Variants in UNC5D observed in about 807,000 individuals in gnomAD.
The protein encoded by UNC5D is unc-5 netrin receptor D.
UNC5D carries 39 observed loss-of-function variants against 105.4 expected under a neutral mutation model. The observed-to-expected ratio is 0.37, with a 90% confidence interval of 0.29 to 0.48. The LOEUF (loss-of-function observed/expected upper bound fraction) is 0.48, where lower values mean the gene tolerates loss of function less well. Among genes scored for constraint, UNC5D ranks in the 20% least tolerant of loss-of-function variants. The pLI is 0.98. For synonymous variants in UNC5D, 452 were observed against 450.4 expected (o/e 1.00, Z -0.04); for missense variants, 991 against 1,202.4 (o/e 0.82, Z 2.60).
At chr8:35,688,862 A>C (rs533847369) in intron 7 of UNC5D, among the ~76,000 whole-genome samples, 2 of 152,226 alleles carry the variant, frequency 1.3e-5, no homozygotes, top group African/African-American at 4.8e-5. Flanking sequence ...TAAGCCAATA[A>C]ATTGTTTAAA....
chr8:35,335,873 C>G (rs1810993522), intron 1 of UNC5D, among the ~76,000 whole-genome samples: 3 of 148,176 alleles, frequency 2.0e-5, no homozygotes, highest in Admixed American at 1.4e-4. Context: ...ATGCCATTCT[C>G]CTGCCTCAGC....
At chr8:35,238,381 G>A (rs1266480028) in intron 1 of UNC5D, among the ~76,000 whole-genome samples, 1 of 152,190 alleles carries the variant, frequency 6.6e-6, no homozygotes, top group East Asian at 1.9e-4. Context: ...GGCCCAAGAA[G>A]CAATGTTCTG....
At position 35,325,678 on chromosome 8, in the gene UNC5D, C is replaced by T. The variant is rs148290667; in HGVS notation, c.103+89791C>T. Among the ~76,000 whole-genome samples, 8 of 152,254 alleles carry T rather than the reference C, an allele frequency of 5.3e-5. No individual in the cohort carries two copies. In the East Asian group the frequency reaches 7.7e-4, roughly 15 times the overall value. ...ATATCAACTAGAACATGCTCAATGG[C>T]GAGTTGCCAGTTGCTTTAAGGAATT... On this transcript the variant is annotated intron_variant, in intron 1 of 16. Coordinates refer to ENST00000404895, the MANE Select transcript of UNC5D (RefSeq NM_080872.4).
rs201455725 is a variant in UNC5D at position 35,470,767 on chromosome 8, AAAATAAAT to A, written c.104-78485_104-78478del. The stretch of plus-strand genomic sequence containing the variant: ...CTGGGCAACAGAGCAAGACTTTCTC[AAAATAAAT>A]AAATAAATAAATAAATAAATAAATA... On this transcript the variant is annotated intron_variant, in intron 1 of 16. Coordinates refer to ENST00000404895, the MANE Select transcript of UNC5D (RefSeq NM_080872.4). Among the ~76,000 whole-genome samples, 609 of 139,306 alleles carry A rather than the reference AAAATAAAT, an allele frequency of 4.4e-3. 4 individuals carry two copies. Among genetic ancestry groups the A allele is most frequent in the African/African-American group, 0.011 (417 of 36,756 alleles). 91.4% of individuals were successfully genotyped at this position (139,306 alleles called of 152,430 possible).
At chr8:35,465,489 C>CTG (rs1809235132) in intron 1 of UNC5D, among the ~76,000 whole-genome samples, 1 of 151,174 alleles carries the variant, frequency 6.6e-6, no homozygotes, top group Non-Finnish European at 1.5e-5. Context: ...GCCTGGGCAA[C>CTG]AGAGCAAGAC....
intron 1 of UNC5D, among the ~76,000 whole-genome samples, chr8:35,361,803 G>A (rs1801868785): frequency 6.6e-6 from 1 of 152,074 alleles, no homozygotes; most frequent in African/African-American, 2.4e-5. Flanking sequence ...TATTAAATTA[G>A]ACCTCGAATA....
chr8:35,374,833 A>G (rs915170077), intron 1 of UNC5D, among the ~76,000 whole-genome samples: 1 of 152,206 alleles, frequency 6.6e-6, no homozygotes, highest in African/African-American at 2.4e-5. Flanking sequence ...AAATGCTGAC[A>G]GTTTTGTCTG....
At position 35,312,708 on chromosome 8, in the gene UNC5D, C is replaced by T. The variant is rs751930361; in HGVS notation, c.103+76821C>T. Reference sequence around the variant, plus strand: ...GTGACACCAGCTGTCTTATAAGGGCCGTCAGATCATAGCACAGATGCACTG... The same window carrying T: ...GTGACACCAGCTGTCTTATAAGGGCTGTCAGATCATAGCACAGATGCACTG... On this transcript the variant is annotated intron_variant, in intron 1 of 16. Transcript: ENST00000404895. Among the ~76,000 whole-genome samples the T allele has an allele frequency of 1.2e-4, 19 of 152,100 alleles. 1 individual carries two copies. The highest frequency in any genetic ancestry group is 3.4e-4 in the African/African-American group (14 of 41,418).
intron 15 of UNC5D, among the ~76,000 whole-genome samples, chr8:35,769,077 T>C (rs577623202): frequency 1.3e-5 from 2 of 152,346 alleles, no homozygotes; most frequent in East Asian, 3.9e-4. Flanking sequence ...CTAATAACTT[T>C]TGTAAGCCAC....
At chr8:35,510,222 T>C (rs1812602821) in intron 1 of UNC5D, among the ~76,000 whole-genome samples, 1 of 151,254 alleles carries the variant, frequency 6.6e-6, no homozygotes, top group African/African-American at 2.4e-5. Context: ...AACATTCTGT[T>C]GAAGCCTTGG....
intron 4 of UNC5D, among the ~76,000 whole-genome samples, chr8:35,609,240 A>G (rs1253250731): frequency 6.6e-6 from 1 of 151,888 alleles, no homozygotes; most frequent in Non-Finnish European, 1.5e-5. Context: ...CCTTTGCCCA[A>G]CTCTTTAGTG....
intron 8 of UNC5D, among the ~76,000 whole-genome samples, chr8:35,716,013 G>A (rs1828231398): frequency 6.6e-6 from 1 of 152,282 alleles, no homozygotes; most frequent in Middle Eastern, 3.4e-3. Flanking sequence ...TGCAAGGAAA[G>A]CCTGGGTGAG....
chr8:35,404,455 T>C (rs1260060071), intron 1 of UNC5D, among the ~76,000 whole-genome samples: 1 of 152,242 alleles, frequency 6.6e-6, no homozygotes, highest in Non-Finnish European at 1.5e-5. Context: ...TATACTTTCC[T>C]GCTGAAAGTA....
chr8:35,390,321 A>G (rs1003234586), intron 1 of UNC5D, among the ~76,000 whole-genome samples: 3 of 152,196 alleles, frequency 2.0e-5, no homozygotes, highest in Non-Finnish European at 2.9e-5. Context: ...TAAATATCCA[A>G]ACTATATCGA....
At chr8:35,645,372 TAGAA>T (rs748189441) in intron 4 of UNC5D, among the ~76,000 whole-genome samples, 1 of 152,162 alleles carries the variant, frequency 6.6e-6, no homozygotes, top group Non-Finnish European at 1.5e-5. Flanking sequence ...TGTGTTCTAT[TAGAA>T]AGAAGCAGAC....
intron 4 of UNC5D, among the ~76,000 whole-genome samples, chr8:35,665,958 CTTTT>C (rs35368800): frequency 1.4e-5 from 2 of 142,024 alleles, no homozygotes; most frequent in African/African-American, 5.1e-5. Flanking sequence ...CTTGGTTATA[CTTTT>C]TTTTTTTTTG....
intron 4 of UNC5D, among the ~76,000 whole-genome samples, chr8:35,641,366 C>CAAAAAAAAAAAAAA (rs377021599): frequency 0.021 from 910 of 43,750 alleles, no homozygotes; most frequent in East Asian, 0.033. Context: ...AAAAATAAAG[C>CAAAAAAAAAAAAAA]AAAAAAAAAA....
chr8:35,569,422 T>C (rs1260447680), intron 3 of UNC5D, among the ~76,000 whole-genome samples: 1 of 152,196 alleles, frequency 6.6e-6, no homozygotes, highest in Admixed American at 6.5e-5. Context: ...GGTTTAGAGA[T>C]TAATAATAGG....
chr8:35,642,537 G>A (rs1822807237), intron 4 of UNC5D, among the ~76,000 whole-genome samples: 1 of 151,974 alleles, frequency 6.6e-6, no homozygotes. Context: ...GCTTTAAGTA[G>A]GGGGTTAATT....
Sources: allele counts gnomAD v4.1 joint callset (sites outside exome capture counted in the v4.1 genomes callset), GRCh38; gene constraint gnomAD v4.1.1; transcripts MANE v1.5; gene names NCBI Gene and HGNC (gene_info 2026-07-23, HGNC 2026-07-21).